CIDEC: variants seen among roughly 807,000 people sequenced by gnomAD.
The protein encoded by CIDEC is lipid transferase CIDEC.
A neutral mutation model predicts 21.9 loss-of-function variants in CIDEC; 11 were observed. That is an observed-to-expected ratio of 0.50 (90% CI 0.32 to 0.83). The LOEUF is 0.83. CIDEC is among the 40% of genes least tolerant of loss of function. CIDEC has a pLI of 0.04. For synonymous variants in CIDEC, 127 were observed against 124.9 expected (o/e 1.02, Z -0.11); for missense variants, 302 against 302.3 (o/e 1.00, Z 0.01).
At chr3:9,870,701 A>G (rs1365141328) in intron 4 of CIDEC, among the ~76,000 whole-genome samples, 2 of 152,226 alleles carry the variant, frequency 1.3e-5, no homozygotes. Context: ...AGCACATGAC[A>G]TAATTGTAGC....
At chr3:9,877,343 T>C in intron 3 of CIDEC, 124 bp from the exon 4 acceptor site, 1 of 925,082 alleles carries the variant, frequency 1.1e-6, no homozygotes. Context: ...CATCACCTGC[T>C]AATCCTGCCC....
At chr3:9,868,314 T>G (rs367917248) in intron 6 of CIDEC, among the ~76,000 whole-genome samples, 4 of 152,346 alleles carry the variant, frequency 2.6e-5, no homozygotes, top group African/African-American at 9.6e-5. Flanking sequence ...TGTTCTAGAC[T>G]CTGAGGCCTG....
chr3:9,877,926 C>T (rs905716920), intron 3 of CIDEC: 3 of 169,994 alleles, frequency 1.8e-5, no homozygotes, highest in Admixed American at 1.1e-4. Flanking sequence ...TCACTCTCCT[C>T]ACCTGTAAAG....
In CIDEC at chr3:9,876,983, C is replaced by T. The variant is rs558978226; in HGVS notation, c.207+83G>A. ...GCGCTGGTAGGTATCAGAAAGGAAACTGTGCCACCTTCTAAGCCCTGACCT... is the reference window on the plus strand; with the variant it reads ...GCGCTGGTAGGTATCAGAAAGGAAATTGTGCCACCTTCTAAGCCCTGACCT... On this transcript the variant is annotated intron_variant, in intron 4 of 6. Coordinates refer to ENST00000336832, the MANE Select transcript of CIDEC (RefSeq NM_001321142.2). 1.1e-3 allele frequency: 1,267 copies of T among 1,201,120 alleles called. 1 individual carries two copies. Among genetic ancestry groups the T allele is most frequent in the Non-Finnish European group, 1.4e-3 (1,137 of 827,982 alleles). 74.4% of individuals were successfully genotyped at this position (1,201,120 alleles called of 1,614,324 possible).
chr3:9,879,922 G>T (rs1575460819), intron 1 of CIDEC, among the ~76,000 whole-genome samples: 1 of 152,232 alleles, frequency 6.6e-6, no homozygotes, highest in East Asian at 1.9e-4. Flanking sequence ...GCAGAGCAAG[G>T]GGCACAAGGG....
At chr3:9,870,568 G>T in intron 4 of CIDEC, 2 of 1,189,640 alleles carry the variant, frequency 1.7e-6, no homozygotes, top group Non-Finnish European at 2.4e-6. Context: ...CCCTCTAAAA[G>T]TGTACAATTC....
intron 4 of CIDEC, among the ~76,000 whole-genome samples, chr3:9,871,120 G>A (rs916151546): frequency 2.6e-5 from 4 of 151,188 alleles, no homozygotes; most frequent in Non-Finnish European, 4.4e-5. Context: ...AATTTTCCTG[G>A]GCATATATAC....
chr3:9,867,384 C>T (rs1160104929), intron 6 of CIDEC, 88 bp from the exon 7 acceptor site: 1 of 1,421,114 alleles, frequency 7.0e-7, no homozygotes. Flanking sequence ...CTTTGGGAGG[C>T]CATGGAGGGC....
chr3:9,875,239 C>T (rs1211444406), intron 4 of CIDEC, among the ~76,000 whole-genome samples: 1 of 151,696 alleles, frequency 6.6e-6, no homozygotes, highest in Non-Finnish European at 1.5e-5. Flanking sequence ...TAGCTGGGCG[C>T]GGTGGCGGGC....
At chr3:9,867,380 G>A (rs2082286818) in intron 6 of CIDEC, 84 bp from the exon 7 acceptor site, 11 of 1,441,106 alleles carry the variant, frequency 7.6e-6, no homozygotes, top group Non-Finnish European at 1.1e-5. Context: ...AGCACTTTGG[G>A]AGGCCATGGA....
intron 3 of CIDEC, chr3:9,878,207 G>A (rs567505799): frequency 3.3e-4 from 187 of 572,054 alleles, no homozygotes; most frequent in African/African-American, 3.2e-3. Context: ...CAAGCATAGT[G>A]TCTACTCCTT....
At chr3:9,876,927 C>CAGCT in intron 4 of CIDEC, 139 bp downstream of exon 4, 1 of 704,216 alleles carries the variant, frequency 1.4e-6, no homozygotes, top group East Asian at 2.7e-5. Context: ...ATTAGTTGGA[C>CAGCT]AGCTCTCCAG....
rs1253189878 is a variant in CIDEC at position 9,877,151 on chromosome 3, C to G, written c.122G>C (p.Arg41Thr). 9 of 1,551,768 alleles carry G rather than the reference C, an allele frequency of 5.8e-6. No homozygotes were observed. The highest frequency in any genetic ancestry group is 1.2e-5 in the South Asian group (1 of 84,072). The change falls in exon 4 of 7, where the codon AGG becomes ACG. Residue 41 changes from arginine (R) to threonine (T), a missense_variant. Physicochemically the swap from Arg to Thr is moderately conservative, Grantham distance 71. Coordinates refer to ENST00000336832, the MANE Select transcript of CIDEC (RefSeq NM_001321142.2). ...LLSEPSPKAPRARPCRVSTAD... is the reference protein window; with the variant it reads ...LLSEPSPKAPTARPCRVSTAD... The stretch of plus-strand genomic sequence containing the variant: ...CGTGCTTACGCGGCAGGGCCGGGCC[C>G]TGGGGGCCTTGGGGCTGGGCTCCGA...
At chr3:9,876,783 A>AAC in intron 4 of CIDEC, among the ~76,000 whole-genome samples, 1 of 147,406 alleles carries the variant, frequency 6.8e-6, no homozygotes, top group Non-Finnish European at 1.5e-5. Context: ...AAAAAAAAAA[A>AAC]ACTAATGGAA....
chr3:9,873,521 C>G (rs530491174), intron 4 of CIDEC, among the ~76,000 whole-genome samples: 1 of 152,122 alleles, frequency 6.6e-6, no homozygotes, highest in Non-Finnish European at 1.5e-5. Context: ...GAGGCTGAGG[C>G]AGGAGAATGG....
At chr3:9,874,777 C>T (rs1476713415) in intron 4 of CIDEC, among the ~76,000 whole-genome samples, 1 of 152,100 alleles carries the variant, frequency 6.6e-6, no homozygotes, top group Non-Finnish European at 1.5e-5. Context: ...GTCACACAGG[C>T]TGCAGTGCAG....
intron 4 of CIDEC, among the ~76,000 whole-genome samples, chr3:9,875,759 T>A (rs745524122): frequency 4.6e-5 from 7 of 152,244 alleles, no homozygotes; most frequent in Non-Finnish European, 1.0e-4. Flanking sequence ...AGTTGGCAAC[T>A]TACTCTCAAA....
In CIDEC at chr3:9,870,023, ATCT is replaced by A. The variant is rs768555513; in HGVS notation, c.410_412del (p.Lys137del). 6.2e-7 allele frequency: 1 copy of A among 1,614,192 alleles called. No individual in the cohort carries two copies. ...ATCAAACGTTACACGGGCCACATCA[ATCT>A]TCTTGGCAGGCTTATGGGAGAGGGA... is the stretch of plus-strand genomic sequence containing the variant. On this transcript the variant is annotated inframe_deletion, in exon 6 of 7. Coordinates refer to ENST00000336832, the MANE Select transcript of CIDEC (RefSeq NM_001321142.2).
intron 4 of CIDEC, among the ~76,000 whole-genome samples, chr3:9,872,403 G>A (rs2125046045): frequency 6.6e-6 from 1 of 152,196 alleles, no homozygotes; most frequent in Middle Eastern, 3.4e-3. Flanking sequence ...TTGAACTCCT[G>A]GGCTCAAGCG....
Sources: gnomAD v4.1 joint callset for allele counts (sites outside exome capture counted in the v4.1 genomes callset) on GRCh38, gnomAD v4.1.1 for gene constraint, MANE v1.5 for transcripts, NCBI Gene and HGNC (gene_info 2026-07-23, HGNC 2026-07-21) for gene names.